EML6: variants seen among roughly 807,000 people sequenced by gnomAD.
The protein encoded by EML6 is EMAP like 6, also known as echinoderm microtubule-associated protein-like 6.
EML6 carries 154 observed loss-of-function variants against 240.1 expected under a neutral mutation model. The ratio of observed to expected loss-of-function variants is 0.64; its 90% CI spans 0.56 to 0.73. EML6 has a LOEUF of 0.73. EML6 is among the 30% of genes least tolerant of loss of function. The pLI, the probability that EML6 is intolerant of heterozygous loss-of-function variation, is 0.00. For missense variants in EML6, 2,964 were observed against 2,474.6 expected, an observed-to-expected ratio of 1.20 and a Z score of -4.20; for synonymous variants, 1,148 against 899.0, an observed-to-expected ratio of 1.28 and a Z score of -4.95.
chr2:54,928,448 G>A lies in EML6; in HGVS notation c.3811G>A (p.Val1271Met), dbSNP rs1302780456. The stretch of plus-strand genomic sequence containing the variant: ...CCTGATGATCTGGACCAGGGAGTTT[G>A]TGGGGACCCAGGAGAGCAAGCTGGT... ...TALMIWTREF[V>M]GTQESKLVDS... Residue 1271 changes from valine to methionine, a missense_variant, in exon 27 of 42, where the codon GTG (valine) becomes ATG (methionine). Physicochemically the swap from Val to Met is conservative, Grantham distance 21 (BLOSUM62 1). Transcript: ENST00000356458. 7.7e-6 allele frequency: 12 copies of A among 1,550,916 alleles called. No individual in the cohort carries two copies. The highest frequency in any genetic ancestry group is 1.0e-5 in the Non-Finnish European group (12 of 1,146,440).
chr2:54,854,976 C>G (rs1670293885), intron 11 of EML6, among the ~76,000 whole-genome samples: 1 of 152,182 alleles, frequency 6.6e-6, no homozygotes, highest in African/African-American at 2.4e-5. Context: ...CTACTGGTCT[C>G]TAGTGTCAGA....
intron 21 of EML6, among the ~76,000 whole-genome samples, chr2:54,896,086 C>G (rs988745855): frequency 6.6e-6 from 1 of 152,138 alleles, no homozygotes; most frequent in Non-Finnish European, 1.5e-5. Context: ...TCACTGGCCA[C>G]CCTCTGGCCA....
At chr2:54,799,633 G>A (rs1572916125) in intron 2 of EML6, among the ~76,000 whole-genome samples, 1 of 152,096 alleles carries the variant, frequency 6.6e-6, no homozygotes. Flanking sequence ...GTGAACCATC[G>A]TGCCCAGCTG....
intron 28 of EML6, among the ~76,000 whole-genome samples, 175 bp from the exon 29 acceptor site, chr2:54,948,707 T>TC (rs1245080616): frequency 6.6e-6 from 1 of 151,762 alleles, no homozygotes; most frequent in Non-Finnish European, 1.5e-5. Flanking sequence ...TCAGGCTGGG[T>TC]CCCGTGGCAG....
At chr2:54,955,835 C>T (rs1408083893) in intron 32 of EML6, among the ~76,000 whole-genome samples, 2 of 152,254 alleles carry the variant, frequency 1.3e-5, no homozygotes, top group African/African-American at 2.4e-5. Context: ...TAGCCACCAC[C>T]TCTTCCGGGT....
intron 14 of EML6, chr2:54,867,679 G>C (rs985859692): frequency 6.6e-6 from 1 of 152,294 alleles, no homozygotes; most frequent in Non-Finnish European, 1.5e-5. Flanking sequence ...GAGTTGGGGA[G>C]GTCTAGGCTG....
chr2:54,930,499 C>T (rs921948037), intron 28 of EML6, among the ~76,000 whole-genome samples: 1 of 151,606 alleles, frequency 6.6e-6, no homozygotes, highest in Admixed American at 6.6e-5. Context: ...ACTGTATAGT[C>T]GCATACACTG....
chr2:54,927,144 AG>A (rs1180106906), intron 26 of EML6, among the ~76,000 whole-genome samples: 1 of 152,092 alleles, frequency 6.6e-6, no homozygotes, highest in African/African-American at 2.4e-5. Context: ...ATGACTCTGG[AG>A]GGCCTCCTGG....
Position 54,914,306 on chromosome 2 carries a change from T to G in EML6, c.3499-2453T>G, listed in dbSNP as rs565636419. Among the ~76,000 whole-genome samples, 3 of 152,294 alleles carry G rather than the reference T, an allele frequency of 2.0e-5. 1 individual carries two copies. Among genetic ancestry groups the G allele is most frequent in the African/African-American group, 7.2e-5 (3 of 41,562 alleles). On this transcript the variant is annotated intron_variant, in intron 25 of 41. Transcript: ENST00000356458. Reference sequence around the variant, plus strand: ...TAACCCAAAGGCATCTATGTGTGACTCCATGGCCTACACCATGAAGCCTCT... The same window carrying G: ...TAACCCAAAGGCATCTATGTGTGACGCCATGGCCTACACCATGAAGCCTCT...
intron 2 of EML6, among the ~76,000 whole-genome samples, chr2:54,730,114 C>A (rs562903924): frequency 6.7e-6 from 1 of 149,288 alleles, no homozygotes; most frequent in East Asian, 2.0e-4. Flanking sequence ...CCAGCCTGGG[C>A]GACAAGAGTG....
At chr2:54,793,232 A>G (rs1454522487) in intron 2 of EML6, among the ~76,000 whole-genome samples, 2 of 152,336 alleles carry the variant, frequency 1.3e-5, no homozygotes, top group East Asian at 3.9e-4. Flanking sequence ...GCACCACTGC[A>G]TTCCAGCCTG....
At chr2:54,917,370 T>TG (rs1238273609) in intron 26 of EML6, among the ~76,000 whole-genome samples, 22 of 145,852 alleles carry the variant, frequency 1.5e-4, no homozygotes, top group Non-Finnish European at 2.2e-4. Flanking sequence ...TTTTTTTTTT[T>TG]TTTTTGTTTT....
intron 30 of EML6, 115 bp downstream of exon 30, chr2:54,950,894 C>A: frequency 8.9e-7 from 1 of 1,124,306 alleles, no homozygotes; most frequent in Non-Finnish European, 1.2e-6. Flanking sequence ...AGCCATTCCC[C>A]CCAATTCCAG....
intron 7 of EML6, among the ~76,000 whole-genome samples, chr2:54,834,211 G>C (rs1465967392): frequency 1.3e-5 from 2 of 152,178 alleles, no homozygotes; most frequent in Non-Finnish European, 2.9e-5. Flanking sequence ...AGGGTCATTA[G>C]CATCAAGCTA....
At chr2:54,893,375 G>C (rs1672580783) in intron 19 of EML6, among the ~76,000 whole-genome samples, 2 of 152,136 alleles carry the variant, frequency 1.3e-5, no homozygotes, top group Non-Finnish European at 1.5e-5. Context: ...TTCTTGCTGT[G>C]TTACCCAATG....
At chr2:54,764,506 T>G (rs749811678) in intron 2 of EML6, among the ~76,000 whole-genome samples, 6 of 152,232 alleles carry the variant, frequency 3.9e-5, no homozygotes, top group East Asian at 1.9e-4. Flanking sequence ...AACTTTAAAT[T>G]GCACTTGTCT....
chr2:54,913,071 G>GTTTTTTTTTTTTT (rs1216432893), intron 25 of EML6, among the ~76,000 whole-genome samples: 2 of 125,688 alleles, frequency 1.6e-5, no homozygotes, highest in Non-Finnish European at 3.3e-5. Flanking sequence ...GCCAGATTCT[G>GTTTTTTTTTTTTT]TTTTTTTTTT....
intron 2 of EML6, among the ~76,000 whole-genome samples, chr2:54,728,781 T>C (rs976431811): frequency 1.5e-4 from 23 of 152,194 alleles, no homozygotes; most frequent in African/African-American, 5.3e-4. Context: ...TCATCATTGC[T>C]CACAGGCAGA....
chr2:54,903,896 C>G (rs1673184455), intron 24 of EML6, among the ~76,000 whole-genome samples: 1 of 152,226 alleles, frequency 6.6e-6, no homozygotes, highest in East Asian at 1.9e-4. Context: ...GAGAACCGCC[C>G]AAAAAGGCTC....
Sources: gnomAD v4.1 joint callset for allele counts (sites outside exome capture counted in the v4.1 genomes callset) on GRCh38, gnomAD v4.1.1 for gene constraint, MANE v1.5 for transcripts, NCBI Gene and HGNC (gene_info 2026-07-23, HGNC 2026-07-21) for gene names.